The following PKHD1 variants were observed in gnomAD, a reference collection of about 807,000 sequenced individuals.
The protein encoded by PKHD1 is fibrocystin.
A neutral mutation model predicts 412.0 loss-of-function variants in PKHD1; 291 were observed. The ratio of observed to expected loss-of-function variants is 0.71; its 90% CI spans 0.64 to 0.78. The LOEUF (loss-of-function observed/expected upper bound fraction) is 0.78, where lower values mean the gene tolerates loss of function less well. Ranked by LOEUF, PKHD1 falls within the 30% of genes least tolerant of loss-of-function variation. The pLI, the probability that PKHD1 is intolerant of heterozygous loss-of-function variation, is 0.00. For synonymous variants in PKHD1, 1,777 were observed against 1,821.5 expected (o/e 0.98, Z 0.62); for missense variants, 4,825 against 4,950.7 (o/e 0.97, Z 0.76).
At chr6:51,729,969 C>T (rs961218001) in intron 60 of PKHD1, among the ~76,000 whole-genome samples, 5 of 152,296 alleles carry the variant, frequency 3.3e-5, no homozygotes, top group African/African-American at 1.2e-4. Context: ...GGACTCAGTG[C>T]AAGAACTCTT....
chr6:52,025,198 A>C lies in PKHD1; in HGVS notation c.4612T>G (p.Cys1538Gly). 6.2e-7 allele frequency: 1 copy of C among 1,614,200 alleles called. No homozygotes were observed. Among genetic ancestry groups the C allele is most frequent in the Non-Finnish European group, 8.5e-7 (1 of 1,180,028 alleles). Residue 1538 changes from cysteine (C) to glycine (G), a missense_variant, in exon 32 of 67, where the codon TGC (cysteine) becomes GGC (glycine). Cys to Gly is a radical substitution (Grantham distance 159). Transcript: ENST00000371117. ...VTFFNASHVV[C>G]QTRDLAPGPH... ...CCTGGGGCCAAGTCTCTTGTCTGGC[A>C]CACAACGTGGCTTGCATTAAAAAAA...
At chr6:51,923,211 A>C (rs983426087) in intron 37 of PKHD1, among the ~76,000 whole-genome samples, 1 of 152,366 alleles carries the variant, frequency 6.6e-6, no homozygotes, top group South Asian at 2.1e-4. Context: ...ATTTGAAAAA[A>C]AATAGATAAC....
intron 52 of PKHD1, among the ~76,000 whole-genome samples, chr6:51,820,467 C>G (rs1447785467): frequency 1.3e-5 from 2 of 152,132 alleles, no homozygotes; most frequent in African/African-American, 2.4e-5. Context: ...ACTACGATAC[C>G]TATTAGAACC....
intron 60 of PKHD1, among the ~76,000 whole-genome samples, chr6:51,702,491 G>A (rs188338811): frequency 0.011 from 1,612 of 151,708 alleles, 55 homozygotes; most frequent in Admixed American, 0.041. Context: ...TACACTGCTC[G>A]GGTGATGGGT....
intron 60 of PKHD1, among the ~76,000 whole-genome samples, chr6:51,737,507 T>C (rs1784002111): frequency 6.6e-6 from 1 of 152,244 alleles, no homozygotes; most frequent in Non-Finnish European, 1.5e-5. Context: ...TGTGGAAATA[T>C]ATTCAGTGTG....
chr6:52,053,170 TG>T lies in PKHD1; in HGVS notation c.2045del (p.Pro682GlnfsTer31). On this transcript the variant is annotated frameshift_variant, in exon 21 of 67. Coordinates refer to ENST00000371117, the MANE Select transcript of PKHD1 (RefSeq NM_138694.4). LOFTEE classifies it high-confidence loss of function. ...GAAGGTTGATCTGATGAACCAGCACTGGGGAGTTTGCCGGAGGGGGCTGGAG... is the reference window on the plus strand; with the variant it reads ...GAAGGTTGATCTGATGAACCAGCACTGGGAGTTTGCCGGAGGGGGCTGGAG... Reference protein sequence around the residue: ...GDLQPPPANSPVLVHQINLLP... With the variant: ...GDLQPPPANSXVLVHQINLLP... The T allele has an allele frequency of 6.2e-7, 1 of 1,614,144 alleles. No individual in the cohort carries two copies.
rs960550971 is a variant in PKHD1, at chr6:51,804,339, G to A, written c.8303-12966C>T. Reference sequence around the variant, plus strand: ...GCTCAACTCACTTATACATGACTAAGTAGAGAAATACTAATTCATTGGGGG... The same window carrying A: ...GCTCAACTCACTTATACATGACTAAATAGAGAAATACTAATTCATTGGGGG... On this transcript the variant is annotated intron_variant, in intron 52 of 66. Coordinates refer to ENST00000371117, the MANE Select transcript of PKHD1 (RefSeq NM_138694.4). Among the ~76,000 whole-genome samples the A allele has an allele frequency of 9.3e-5, 10 of 107,000 alleles. 1 individual carries two copies. The Admixed American group carries it at 1.3e-3, about 14-fold the overall frequency. The allele number at this position is 107,000 out of a possible 152,430, so 70.2% of individuals were successfully genotyped here. A position where few individuals can be genotyped will look rare whatever the true frequency, so the allele number is the denominator to read the frequency against.
intron 52 of PKHD1, among the ~76,000 whole-genome samples, chr6:51,804,273 T>C (rs1409141799): frequency 5.5e-5 from 8 of 146,144 alleles, no homozygotes; most frequent in African/African-American, 1.8e-4. Context: ...AGTAGTTCTA[T>C]AGTTCCAGTA....
At chr6:51,931,301 G>A (rs9357718) in intron 37 of PKHD1, among the ~76,000 whole-genome samples, 58,459 of 151,998 alleles carry the variant, frequency 0.38, 12,043 homozygotes, top group East Asian at 0.76. Context: ...GAAACTGAGT[G>A]AATGCTGGGT....
chr6:51,743,321 A>G (rs1784796018), intron 60 of PKHD1, among the ~76,000 whole-genome samples: 1 of 152,190 alleles, frequency 6.6e-6, no homozygotes, highest in Admixed American at 6.5e-5. Context: ...GTTAGGAAAA[A>G]GAAAAATAAA....
intron 61 of PKHD1, among the ~76,000 whole-genome samples, chr6:51,656,832 T>A (rs924866445): frequency 5.9e-5 from 9 of 151,830 alleles, no homozygotes; most frequent in Non-Finnish European, 7.4e-5. Context: ...AATTTTTGTG[T>A]TTTTGTAGAG....
chr6:51,750,314 T>C (rs1029472053), intron 57 of PKHD1, among the ~76,000 whole-genome samples: 1 of 152,198 alleles, frequency 6.6e-6, no homozygotes, highest in Non-Finnish European at 1.5e-5. Flanking sequence ...CAATAGCACA[T>C]AGCTGAAAGA....
chr6:52,053,096 A>T lies in PKHD1; in HGVS notation c.2120T>A (p.Ile707Asn). 1 of 1,614,162 alleles carries T rather than the reference A, an allele frequency of 6.2e-7. No homozygotes were observed. The highest frequency in any genetic ancestry group is 8.5e-7 in the Non-Finnish European group (1 of 1,180,004). ...ATTACCTGTTACGTTTGTGTCTGCA[A>T]TAATAATTTCATCCACATAGAACAG... Reference protein sequence around the residue: ...TGLFYVDEIIIADTNVTVSQA... With the variant: ...TGLFYVDEIINADTNVTVSQA... Residue 707 changes from isoleucine (I) to asparagine (N), a missense_variant, in exon 21 of 67, where the codon ATT becomes AAT. Transcript: ENST00000371117.
chr6:51,996,854 T>G (rs1284229971), intron 35 of PKHD1, among the ~76,000 whole-genome samples: 1 of 152,234 alleles, frequency 6.6e-6, no homozygotes, highest in Non-Finnish European at 1.5e-5. Flanking sequence ...GCAATGTCCA[T>G]TCTCCAGCTT....
intron 21 of PKHD1, among the ~76,000 whole-genome samples, chr6:52,050,882 C>A (rs369285382): frequency 1.1e-4 from 17 of 152,138 alleles, no homozygotes; most frequent in Non-Finnish European, 2.2e-4. Flanking sequence ...ATGTGTAAAG[C>A]GGGGATTATG....
intron 65 of PKHD1, 50 bp downstream of exon 65, chr6:51,632,515 G>A (rs780975494): frequency 6.8e-7 from 1 of 1,468,364 alleles, no homozygotes; most frequent in Non-Finnish European, 9.5e-7. Context: ...TATGTATGAT[G>A]ACTTTTTTTT....
chr6:51,811,209 C>A (rs139392888), intron 52 of PKHD1, among the ~76,000 whole-genome samples: 5 of 152,160 alleles, frequency 3.3e-5, no homozygotes, highest in South Asian at 4.2e-4. Context: ...AAAGAAGTAA[C>A]CCGGATGATC....
chr6:51,866,849 A>G (rs1775140678), intron 48 of PKHD1, among the ~76,000 whole-genome samples: 1 of 152,142 alleles, frequency 6.6e-6, no homozygotes, highest in Admixed American at 6.6e-5. Context: ...GATTAGAAAT[A>G]AAAATATATC....
Position 52,025,874 on chromosome 6 carries a change from A to C in PKHD1, c.3936T>G (p.Asn1312Lys), listed in dbSNP as rs757243486. 2.5e-6 allele frequency: 4 copies of C among 1,614,056 alleles called. No homozygotes were observed. The East Asian group carries it at 8.9e-5, about 36-fold the overall frequency. ...CTCCCACATGCAGGCTCAGGCTGCT[A>C]TTTGTGATTTCTCCTTGCATGGCAG... ...VVTAMQGEIT[N>K]SSLSLHVGGS... The change falls in exon 32 of 67, where the codon AAT (asparagine) becomes AAG (lysine). Residue 1312 changes from asparagine (N) to lysine (K), a missense_variant. Coordinates refer to ENST00000371117, the MANE Select transcript of PKHD1 (RefSeq NM_138694.4).
Sources: gnomAD v4.1 joint callset for allele counts (sites outside exome capture counted in the v4.1 genomes callset) on GRCh38, gnomAD v4.1.1 for gene constraint, MANE v1.5 for transcripts, NCBI Gene and HGNC (gene_info 2026-07-23, HGNC 2026-07-21) for gene names.